DLEC1: variants seen among roughly 807,000 people sequenced by gnomAD.
DLEC1 encodes deleted in lung and esophageal cancer protein 1.
A neutral mutation model predicts 198.1 loss-of-function variants in DLEC1; 146 were observed. The ratio of observed to expected loss-of-function variants is 0.74; its 90% confidence interval spans 0.64 to 0.85. DLEC1 has a LOEUF of 0.85. DLEC1 is among the 40% of genes least tolerant of loss of function. The pLI, the probability that DLEC1 is intolerant of heterozygous loss-of-function variation, is 0.00. For synonymous variants in DLEC1, 897 were observed against 866.8 expected (o/e 1.03, Z -0.61); for missense variants, 2,233 against 2,220.0 (o/e 1.01, Z -0.12).
chr3:38,095,214 T>G (rs771432184), intron 13 of DLEC1, 143 bp downstream of exon 13: 2 of 987,486 alleles, frequency 2.0e-6, no homozygotes, highest in Non-Finnish European at 3.0e-6. Flanking sequence ...CTGAGTTGGG[T>G]TGGAGTACAC....
In DLEC1 at chr3:38,117,252, T is replaced by C. The variant is rs765243011; in HGVS notation, c.4350T>C (p.Phe1450=). Residue 1450 remains phenylalanine (F), a synonymous_variant, in exon 31 of 37, where the codon TTT becomes TTC. Transcript: ENST00000308059. The part of the protein sequence containing the change: ...IPGKRHRLQD[F]AVGPLKLDLH... ...GGAAGAGGCATCGCCTGCAGGACTT[T>C]GCGGTGGGACCCCTGAAACTGGACC... 5 of 1,614,126 alleles carry C rather than the reference T, an allele frequency of 3.1e-6. No individual in the cohort carries two copies. The East Asian group carries it at 6.7e-5, about 22-fold the overall frequency.
chr3:38,052,317 G>A (rs2125589465), intron 2 of DLEC1: 1 of 395,480 alleles, frequency 2.5e-6, no homozygotes, highest in South Asian at 2.5e-5. Flanking sequence ...GGGACCACGA[G>A]TACCTGCACA....
chr3:38,107,664 T>C lies in DLEC1; in HGVS notation c.2945T>C (p.Leu982Pro). ...SSQVEVRNLY[L>P]GVPTKTTITL... ...CAGGTGGAGGTTAGAAATCTCTACCTGGGTGTGCCCACGAAGACAACCATC... is the reference window on the plus strand; with the variant it reads ...CAGGTGGAGGTTAGAAATCTCTACCCGGGTGTGCCCACGAAGACAACCATC... The change falls in exon 20 of 37, where the codon CTG becomes CCG. Residue 982 changes from leucine to proline, a missense_variant. Physicochemically the swap from Leu to Pro is moderately conservative, Grantham distance 98. Coordinates refer to ENST00000308059, the MANE Select transcript of DLEC1 (RefSeq NM_007335.4). The C allele has an allele frequency of 6.2e-7, 1 of 1,614,192 alleles. No individual in the cohort carries two copies.
intron 7 of DLEC1, 82 bp from the exon 8 acceptor site, chr3:38,085,185 TGGCAGGG>T: frequency 6.9e-7 from 1 of 1,447,334 alleles, no homozygotes; most frequent in Non-Finnish European, 9.6e-7. Flanking sequence ...GAGCCAGCCC[TGGCAGGG>T]CTGGGGTCTG....
At chr3:38,078,917 T>C (rs1559423163) in intron 6 of DLEC1, among the ~76,000 whole-genome samples, 1 of 152,062 alleles carries the variant, frequency 6.6e-6, no homozygotes, top group Non-Finnish European at 1.5e-5. Context: ...ACAGGTAAAA[T>C]GGAGGAATTG....
Position 38,112,340 on chromosome 3 carries a change from C to T in DLEC1, c.3645C>T (p.Tyr1215=), listed in dbSNP as rs367986698. Reference sequence around the variant, plus strand: ...GCTGTGCCAACATGTGGGGCGAGTACTGGGACAACCTCATCTGCACGGTAA... The same window carrying T: ...GCTGTGCCAACATGTGGGGCGAGTATTGGGACAACCTCATCTGCACGGTAA... ...ITGCANMWGE[Y]WDNLICTVGD... is the part of the protein sequence containing the mutation. Residue 1215 remains tyrosine, a synonymous_variant, in exon 25 of 37, where the codon TAC becomes TAT. Transcript: ENST00000308059. This position sits in a 1 kb window ranked among gnomAD's most constrained non-coding sequence, Gnocchi z 4.8. 8.2e-5 allele frequency: 132 copies of T among 1,613,996 alleles called. No homozygotes were observed. Among genetic ancestry groups the T allele is most frequent in the Non-Finnish European group, 1.1e-4 (127 of 1,180,008 alleles).
rs768972802 is a variant in DLEC1, at chr3:38,110,154, G to A, written c.3316G>A (p.Val1106Met). The change falls in exon 23 of 37, where the codon GTG becomes ATG. Residue 1106 changes from valine (V) to methionine (M), a missense_variant. Physicochemically the swap from Val to Met is conservative, Grantham distance 21 (BLOSUM62 1). Coordinates refer to ENST00000308059, the MANE Select transcript of DLEC1 (RefSeq NM_007335.4). ...KELRLDFGSA[V>M]PLRTRVTRQL... is the part of the protein sequence containing the mutation. ...GCTCCGCCTGGACTTTGGCTCAGCG[G>A]TGCCACTGAGGACCCGTGTGACTCG... 1 of 1,614,188 alleles carries A rather than the reference G, an allele frequency of 6.2e-7. No homozygotes were observed. The highest frequency in any genetic ancestry group is 2.2e-5 in the East Asian group (1 of 44,880).
chr3:38,117,914 G>A lies in DLEC1; in HGVS notation c.4594G>A (p.Gly1532Arg). The A allele has an allele frequency of 2.5e-6, 4 of 1,614,158 alleles. No homozygotes were observed. The highest frequency in any genetic ancestry group is 3.4e-6 in the Non-Finnish European group (4 of 1,180,022). ...VSRPFSVSQD[G>R]ASQDHRAPGP... ...CAGGCCCTTCTCCGTTTCTCAAGAT[G>A]GGGCGAGCCAGGACCACAGAGCTCC... Residue 1532 changes from glycine to arginine, a missense_variant, in exon 33 of 37, where the codon GGG becomes AGG. Coordinates refer to ENST00000308059, the MANE Select transcript of DLEC1 (RefSeq NM_007335.4).
chr3:38,064,007 C>CT (rs71094947), intron 6 of DLEC1, 88 bp downstream of exon 6: 92,858 of 446,192 alleles, frequency 0.21, 3,008 homozygotes, highest in East Asian at 0.34. Flanking sequence ...TTTTTTTTTT[C>CT]TTTTTTTTTT....
chr3:38,050,526 C>T (rs911364744), intron 2 of DLEC1, among the ~76,000 whole-genome samples: 7 of 150,854 alleles, frequency 4.6e-5, no homozygotes, highest in Non-Finnish European at 7.4e-5. Context: ...TATCACATGG[C>T]GAGAAAGCAA....
intron 6 of DLEC1, among the ~76,000 whole-genome samples, chr3:38,083,034 G>T (rs952994704): frequency 6.6e-6 from 1 of 151,942 alleles, no homozygotes; most frequent in Non-Finnish European, 1.5e-5. Flanking sequence ...TTGAAGGGTG[G>T]CACCAAGATT....
Position 38,081,627 on chromosome 3 carries a change from C to T in DLEC1, c.1174-2531C>T, listed in dbSNP as rs1231306988. ...TGGCCGGGCGGAGGGCTGACCCCCC[C>T]ACCTCCCTCCCGGACGGGGCGGCTG... On this transcript the variant is annotated intron_variant, in intron 6 of 36. Transcript: ENST00000308059. Among the ~76,000 whole-genome samples the T allele has an allele frequency of 9.0e-5, 9 of 100,318 alleles. 1 individual carries two copies. The highest frequency in any genetic ancestry group is 4.3e-4 in the East Asian group (1 of 2,342). 65.8% of individuals were successfully genotyped at this position (100,318 alleles called of 152,430 possible).
rs1054679008 is a variant in DLEC1 at position 38,059,730 on chromosome 3, C to T, written c.563-12C>T. 1.3e-6 allele frequency: 2 copies of T among 1,598,326 alleles called. No individual in the cohort carries two copies. The highest frequency in any genetic ancestry group is 1.7e-6 in the Non-Finnish European group (2 of 1,167,804). Reference sequence around the variant, plus strand: ...CTGGAAACACCTTGTTCTCCCCTTCCCTTCTATGAAGTGAAGAGTGTCTCC... The same window carrying T: ...CTGGAAACACCTTGTTCTCCCCTTCTCTTCTATGAAGTGAAGAGTGTCTCC... On this transcript the variant is annotated splice_polypyrimidine_tract_variant and intron_variant, in intron 2 of 36. Transcript: ENST00000308059.
At chr3:38,079,104 A>G (rs1397830645) in intron 6 of DLEC1, among the ~76,000 whole-genome samples, 2 of 152,094 alleles carry the variant, frequency 1.3e-5, no homozygotes, top group African/African-American at 2.4e-5. Flanking sequence ...GAGTAGAGGT[A>G]TCTTATACTT....
At chr3:38,096,142 C>T (rs1231341695) in intron 14 of DLEC1, among the ~76,000 whole-genome samples, 196 bp downstream of exon 14, 1 of 152,222 alleles carries the variant, frequency 6.6e-6, no homozygotes, top group African/African-American at 2.4e-5. Flanking sequence ...GCTCGCTAAA[C>T]TCACTATGAG....
chr3:38,085,177 G>C, intron 7 of DLEC1, 97 bp from the exon 8 acceptor site: 1 of 1,353,082 alleles, frequency 7.4e-7, no homozygotes, highest in Non-Finnish European at 1.0e-6. Flanking sequence ...CACTTACAGA[G>C]CCAGCCCTGG....
chr3:38,084,467 AGTG>A (rs200804795), intron 7 of DLEC1, among the ~76,000 whole-genome samples: 1,083 of 2,522 alleles, frequency 0.43, 174 homozygotes, highest in Middle Eastern at 0.5. Flanking sequence ...TAGTAATAGT[AGTG>A]GTGGTGGTGG....
At chr3:38,093,215 C>T (rs984144656) in intron 11 of DLEC1, among the ~76,000 whole-genome samples, 1 of 152,154 alleles carries the variant, frequency 6.6e-6, no homozygotes, top group Non-Finnish European at 1.5e-5. Context: ...CATAAACAGC[C>T]AGAGCCACCT....
Position 38,122,995 on chromosome 3 carries a change from G to T in DLEC1, c.*583G>T. The T allele has an allele frequency of 6.3e-7, 1 of 1,587,452 alleles. No homozygotes were observed. Among genetic ancestry groups the T allele is most frequent in the African/African-American group, 1.3e-5 (1 of 74,466 alleles). On this transcript the variant is annotated 3_prime_UTR_variant, in exon 37 of 37. Transcript: ENST00000308059. ...TTTGCTTTTGTGGTGTTACTGCCTT[G>T]CTGCTAGAGCAGCAGGACTGTCTGC...
Sources: allele counts gnomAD v4.1 joint callset (sites outside exome capture counted in the v4.1 genomes callset), GRCh38; gene constraint gnomAD v4.1.1; non-coding constraint Gnocchi (gnomAD v3.1); transcripts MANE v1.5; gene names NCBI Gene and HGNC (gene_info 2026-07-23, HGNC 2026-07-21).